Variants in MAPKAP1 observed in about 807,000 individuals in gnomAD.
The protein encoded by MAPKAP1 is MAPK associated protein 1.
A neutral mutation model predicts 65.7 loss-of-function variants in MAPKAP1; 20 were observed. The ratio of observed to expected loss-of-function variants is 0.30; its 90% confidence interval spans 0.21 to 0.44. The LOEUF (loss-of-function observed/expected upper bound fraction) is 0.44, where lower values mean the gene tolerates loss of function less well. MAPKAP1 is among the 20% of genes least tolerant of loss of function. The pLI, the probability that MAPKAP1 is intolerant of heterozygous loss-of-function variation, is 1.00. For synonymous variants in MAPKAP1, 222 were observed against 244.3 expected, an observed-to-expected ratio of 0.91 and a Z score of 0.85; for missense variants, 423 against 648.0, an observed-to-expected ratio of 0.65 and a Z score of 3.77.
chr9:125,447,606 G>A lies in MAPKAP1; in HGVS notation c.1346-3008C>T. On this transcript the variant is annotated intron_variant, in intron 10 of 11. Coordinates refer to ENST00000265960, the MANE Select transcript of MAPKAP1 (RefSeq NM_001006617.3). This position sits in a 1 kb window ranked among gnomAD's most constrained non-coding sequence, Gnocchi z 4.5. ...CTCGCTAGCAGCCCTGTTTCGCTGG[G>A]CGGCCAGAAGGGCAGTTTTCCTCAG... is the stretch of plus-strand genomic sequence containing the variant. 2.4e-6 allele frequency: 1 copy of A among 409,886 alleles called. No homozygotes were observed. Among genetic ancestry groups the A allele is most frequent in the East Asian group, 7.2e-5 (1 of 13,892 alleles). The allele number at this position is 409,886 out of a possible 1,614,324, so 25.4% of individuals were successfully genotyped here. A position where few individuals can be genotyped will look rare whatever the true frequency, so the allele number is the denominator to read the frequency against.
intron 8 of MAPKAP1, among the ~76,000 whole-genome samples, chr9:125,493,328 C>G (rs1854806211): frequency 2.0e-5 from 3 of 152,204 alleles, no homozygotes; most frequent in Non-Finnish European, 4.4e-5. Context: ...AATTTATATG[C>G]TTCAAGGTCT....
intron 10 of MAPKAP1, among the ~76,000 whole-genome samples, chr9:125,457,161 GC>G (rs1402484497): frequency 6.6e-6 from 1 of 151,884 alleles, no homozygotes; most frequent in Admixed American, 6.6e-5. Flanking sequence ...GCTAATTTTT[GC>G]ATTTTTAGTA....
chr9:125,543,016 G>A (rs775525605), intron 7 of MAPKAP1, 43 bp downstream of exon 7: 1 of 1,318,412 alleles, frequency 7.6e-7, no homozygotes, highest in South Asian at 1.2e-5. Flanking sequence ...TTTAATAAGG[G>A]TTAAGCTTCT....
intron 7 of MAPKAP1, among the ~76,000 whole-genome samples, chr9:125,520,977 T>C (rs1190353756): frequency 1.3e-5 from 2 of 152,198 alleles, no homozygotes; most frequent in Non-Finnish European, 2.9e-5. Flanking sequence ...CAGGTCCATC[T>C]TCAGTAGCCA....
At chr9:125,681,337 T>A (rs1329242338) in intron 1 of MAPKAP1, among the ~76,000 whole-genome samples, 2 of 152,186 alleles carry the variant, frequency 1.3e-5, no homozygotes, top group Non-Finnish European at 2.9e-5. Flanking sequence ...TTCTGAATTA[T>A]GGGAAAAAGT....
intron 8 of MAPKAP1, among the ~76,000 whole-genome samples, chr9:125,498,818 C>T (rs545054831): frequency 3.5e-4 from 53 of 152,258 alleles, no homozygotes; most frequent in African/African-American, 1.3e-3. Context: ...AGACCTGCCC[C>T]CTCCCCACTC....
intron 7 of MAPKAP1, among the ~76,000 whole-genome samples, chr9:125,526,029 G>A (rs1286962487): frequency 6.6e-6 from 1 of 152,238 alleles, no homozygotes; most frequent in Non-Finnish European, 1.5e-5. Context: ...TCTCTTCAGT[G>A]GAACAGAGAA....
intron 10 of MAPKAP1, among the ~76,000 whole-genome samples, chr9:125,445,999 C>A (rs1169617080): frequency 6.6e-6 from 1 of 152,184 alleles, no homozygotes; most frequent in African/African-American, 2.4e-5. Flanking sequence ...ACCTTAGTGT[C>A]TGTAAGATTA....
At chr9:125,635,677 T>C (rs1383396434) in intron 4 of MAPKAP1, among the ~76,000 whole-genome samples, 1 of 152,226 alleles carries the variant, frequency 6.6e-6, no homozygotes, top group Non-Finnish European at 1.5e-5. Flanking sequence ...AATGCAAAAC[T>C]ACACCTACAC....
At chr9:125,652,344 G>T in intron 4 of MAPKAP1, 1 of 854,780 alleles carries the variant, frequency 1.2e-6, no homozygotes, top group Non-Finnish European at 1.4e-6. Flanking sequence ...TGTGTTAATT[G>T]CCACAGCATT....
At chr9:125,459,271 G>A in intron 10 of MAPKAP1, among the ~76,000 whole-genome samples, 1 of 151,268 alleles carries the variant, frequency 6.6e-6, no homozygotes. Flanking sequence ...GCCGGGAAGA[G>A]GCGCTCCTCA....
intron 8 of MAPKAP1, among the ~76,000 whole-genome samples, chr9:125,502,388 A>T (rs2133074748): frequency 6.6e-6 from 1 of 152,290 alleles, no homozygotes; most frequent in East Asian, 1.9e-4. Flanking sequence ...GGCGTGAGCC[A>T]CCGTGCCCTG....
At chr9:125,672,015 T>G (rs562441655) in intron 2 of MAPKAP1, among the ~76,000 whole-genome samples, 1 of 152,280 alleles carries the variant, frequency 6.6e-6, no homozygotes, top group South Asian at 2.1e-4. Flanking sequence ...GTGAAGACAC[T>G]CAAAGCCAGT....
intron 5 of MAPKAP1, among the ~76,000 whole-genome samples, chr9:125,579,513 G>A (rs1831551647): frequency 6.6e-6 from 1 of 152,136 alleles, no homozygotes; most frequent in African/African-American, 2.4e-5. Flanking sequence ...GGCTGGTGTT[G>A]AACTTCTGAC....
chr9:125,629,054 A>AACAC (rs71374284), intron 4 of MAPKAP1, among the ~76,000 whole-genome samples: 6,594 of 147,406 alleles, frequency 0.045, 154 homozygotes, highest in East Asian at 0.055. Context: ...TCACTGTCAA[A>AACAC]ACACACACAC....
At chr9:125,609,304 G>A (rs1395327333) in intron 4 of MAPKAP1, among the ~76,000 whole-genome samples, 1 of 152,084 alleles carries the variant, frequency 6.6e-6, no homozygotes, top group East Asian at 1.9e-4. Flanking sequence ...TTGAACCACA[G>A]CAAGTGGGAA....
chr9:125,500,958 G>A (rs1310868078), intron 8 of MAPKAP1, among the ~76,000 whole-genome samples: 6 of 152,100 alleles, frequency 3.9e-5, no homozygotes, highest in Admixed American at 6.6e-5. Context: ...TAAAAATTCC[G>A]ATAAGCAAGT....
intron 9 of MAPKAP1, among the ~76,000 whole-genome samples, chr9:125,481,787 A>G (rs1230756760): frequency 6.6e-6 from 1 of 152,134 alleles, no homozygotes; most frequent in African/African-American, 2.4e-5. Flanking sequence ...TTGGGCAAGT[A>G]CTGCAGCTAA....
chr9:125,595,862 G>A lies in MAPKAP1; in HGVS notation c.499-10135C>T. The stretch of plus-strand genomic sequence containing the variant: ...TGGGTTTGTCACCTATGCCACTGTG[G>A]AGGAGGTGGATGCAGCCATGAATGC... On this transcript the variant is annotated intron_variant, in intron 4 of 11. Coordinates refer to ENST00000265960, the MANE Select transcript of MAPKAP1 (RefSeq NM_001006617.3). The surrounding 1 kb of genome is among the most constrained non-coding windows in gnomAD (Gnocchi z 4.0). 8.8e-7 allele frequency: 1 copy of A among 1,135,176 alleles called. No individual in the cohort carries two copies. Among genetic ancestry groups the A allele is most frequent in the South Asian group, 1.2e-5 (1 of 81,538 alleles). The allele number at this position is 1,135,176 out of a possible 1,614,324, so 70.3% of individuals were successfully genotyped here. A position where few individuals can be genotyped will look rare whatever the true frequency, so the allele number is the denominator to read the frequency against.
Sources: gnomAD v4.1 joint callset for allele counts (sites outside exome capture counted in the v4.1 genomes callset) on GRCh38, gnomAD v4.1.1 for gene constraint, Gnocchi (gnomAD v3.1) non-coding constraint, MANE v1.5 for transcripts, NCBI Gene and HGNC (gene_info 2026-07-23, HGNC 2026-07-21) for gene names.